ATRNL1: variants seen among roughly 807,000 people sequenced by gnomAD.
ATRNL1 encodes the protein attractin-like protein 1.
Under a neutral mutation model 182.7 loss-of-function variants are expected in ATRNL1, and 95 were observed. The ratio of observed to expected loss-of-function variants is 0.52; its 90% CI spans 0.44 to 0.62. ATRNL1 has a LOEUF of 0.62. Among genes scored for constraint, ATRNL1 ranks in the 20% least tolerant of loss-of-function variants. The pLI is 0.00. For missense variants in ATRNL1, 1,471 were observed against 1,679.5 expected (o/e 0.88, Z 2.17); for synonymous variants, 576 against 568.3 (o/e 1.01, Z -0.19).
intron 8 of ATRNL1, among the ~76,000 whole-genome samples, chr10:115,207,606 G>A (rs1322865206): frequency 1.6e-4 from 25 of 151,820 alleles, no homozygotes; most frequent in Non-Finnish European, 1.5e-5. Context: ...TTTGCTGAGT[G>A]TAGAATTCTA....
chr10:115,363,993 G>A (rs1856889677), intron 19 of ATRNL1, among the ~76,000 whole-genome samples: 1 of 152,222 alleles, frequency 6.6e-6, no homozygotes, highest in African/African-American at 2.4e-5. Flanking sequence ...GATTGACTTG[G>A]TGATGCGGGC....
chr10:115,304,971 C>CT (rs1432961440), intron 17 of ATRNL1, among the ~76,000 whole-genome samples: 2 of 151,910 alleles, frequency 1.3e-5, no homozygotes, highest in South Asian at 4.2e-4. Context: ...CCAAGGACTC[C>CT]TTTTTTCTCT....
intron 27 of ATRNL1, among the ~76,000 whole-genome samples, chr10:115,825,243 G>C (rs1231669654): frequency 6.6e-6 from 1 of 152,062 alleles, no homozygotes; most frequent in South Asian, 2.1e-4. Flanking sequence ...AGAACACAAG[G>C]ATGCAGAGAG....
At chr10:115,387,169 T>A (rs1554952894) in intron 19 of ATRNL1, among the ~76,000 whole-genome samples, 1 of 152,032 alleles carries the variant, frequency 6.6e-6, no homozygotes, top group African/African-American at 2.4e-5. Flanking sequence ...CTCAGTAAAC[T>A]ATCGCAAGGA....
At chr10:115,132,380 G>A (rs1845288873) in intron 5 of ATRNL1, among the ~76,000 whole-genome samples, 1 of 152,008 alleles carries the variant, frequency 6.6e-6, no homozygotes, top group Non-Finnish European at 1.5e-5. Context: ...GAATAGTGCC[G>A]CAATAAACAT....
At chr10:115,622,392 G>C (rs1857825074) in intron 26 of ATRNL1, among the ~76,000 whole-genome samples, 1 of 152,222 alleles carries the variant, frequency 6.6e-6, no homozygotes, top group Admixed American at 6.5e-5. Flanking sequence ...TAGCTATCCT[G>C]TAACTCATGT....
chr10:115,582,127 C>T (rs1855137495), intron 26 of ATRNL1, among the ~76,000 whole-genome samples: 1 of 151,960 alleles, frequency 6.6e-6, no homozygotes, highest in South Asian at 2.1e-4. Context: ...GCCACATTTT[C>T]TTAATCCAGT....
chr10:115,589,769 C>A (rs1267325991), intron 26 of ATRNL1, among the ~76,000 whole-genome samples: 1 of 151,750 alleles, frequency 6.6e-6, no homozygotes, highest in Non-Finnish European at 1.5e-5. Context: ...ATAATTTTTC[C>A]CAAAAGTCTT....
In ATRNL1 at chr10:115,172,801, C is replaced by T. The variant is rs533746684; in HGVS notation, c.1348+1509C>T. ...TTCTAGCCCTACCCATACTTCTAAA[C>T]GTACCTAGCTTTAAATTTCATAATT... On this transcript the variant is annotated intron_variant, in intron 8 of 28. Coordinates refer to ENST00000355044, the MANE Select transcript of ATRNL1 (RefSeq NM_207303.4). 7.9e-5 allele frequency among the ~76,000 whole-genome samples: 12 copies of T among 151,488 alleles called. No homozygotes were observed. The South Asian group carries it at 8.4e-4, about 11-fold the overall frequency.
At chr10:115,306,416 C>T (rs1252074630) in intron 17 of ATRNL1, among the ~76,000 whole-genome samples, 1 of 152,062 alleles carries the variant, frequency 6.6e-6, no homozygotes, top group Non-Finnish European at 1.5e-5. Context: ...TTTTTATCCC[C>T]CCTTTGGGAG....
intron 26 of ATRNL1, among the ~76,000 whole-genome samples, chr10:115,654,629 G>A (rs1860223304): frequency 6.6e-6 from 1 of 152,130 alleles, no homozygotes; most frequent in Non-Finnish European, 1.5e-5. Context: ...CTTTAAGTAA[G>A]ACACTGTGTT....
At chr10:115,880,773 T>C (rs1951809161) in intron 28 of ATRNL1, among the ~76,000 whole-genome samples, 2 of 152,252 alleles carry the variant, frequency 1.3e-5, no homozygotes, top group African/African-American at 4.8e-5. Flanking sequence ...CTTTTGTGCA[T>C]GTACGAGTAG....
At chr10:115,619,209 G>A (rs925004079) in intron 26 of ATRNL1, among the ~76,000 whole-genome samples, 4 of 152,200 alleles carry the variant, frequency 2.6e-5, no homozygotes, top group Non-Finnish European at 5.9e-5. Context: ...GGGGTCATGT[G>A]TAAGTGCATG....
chr10:115,911,375 T>C (rs564683587), intron 28 of ATRNL1, among the ~76,000 whole-genome samples: 27 of 152,122 alleles, frequency 1.8e-4, no homozygotes, highest in Non-Finnish European at 3.4e-4. Context: ...TGGAGGGCAA[T>C]GGTGCAATCT....
chr10:115,444,343 A>G (rs1252871456), intron 21 of ATRNL1, among the ~76,000 whole-genome samples: 1 of 152,104 alleles, frequency 6.6e-6, no homozygotes, highest in Non-Finnish European at 1.5e-5. Context: ...GGATAGGCAT[A>G]GTCACTGAAG....
At chr10:115,614,232 C>T (rs1857316781) in intron 26 of ATRNL1, among the ~76,000 whole-genome samples, 1 of 152,010 alleles carries the variant, frequency 6.6e-6, no homozygotes, top group African/African-American at 2.4e-5. Context: ...TTTCTATTTT[C>T]ACTTGTTTCA....
intron 26 of ATRNL1, among the ~76,000 whole-genome samples, chr10:115,594,595 C>T (rs1010782540): frequency 6.6e-6 from 1 of 152,228 alleles, no homozygotes; most frequent in Admixed American, 6.5e-5. Flanking sequence ...CAATCTCCGC[C>T]TTCAGGGTTC....
intron 28 of ATRNL1, among the ~76,000 whole-genome samples, chr10:115,876,287 A>ATTAG (rs1951698595): frequency 2.6e-5 from 4 of 152,058 alleles, no homozygotes; most frequent in Non-Finnish European, 5.9e-5. Context: ...GGCTAATACT[A>ATTAG]CTTATCTCTT....
chr10:115,219,595 G>T (rs762960284), intron 9 of ATRNL1, among the ~76,000 whole-genome samples: 1 of 152,104 alleles, frequency 6.6e-6, no homozygotes, highest in African/African-American at 2.4e-5. Flanking sequence ...CTGTTGTGTT[G>T]GTTGTCAACA....
Sources: allele counts gnomAD v4.1 joint callset (sites outside exome capture counted in the v4.1 genomes callset), GRCh38; gene constraint gnomAD v4.1.1; transcripts MANE v1.5; gene names NCBI Gene and HGNC (gene_info 2026-07-23, HGNC 2026-07-21).